The following CEMIP2 variants were observed in gnomAD, a reference collection of about 807,000 sequenced individuals.
CEMIP2 encodes cell surface hyaluronidase CEMIP2.
A neutral mutation model predicts 146.9 loss-of-function variants in CEMIP2; 79 were observed. The observed-to-expected ratio is 0.54, with a 90% CI of 0.45 to 0.65. The LOEUF is 0.65. Among genes scored for constraint, CEMIP2 ranks in the 30% least tolerant of loss-of-function variants. The pLI is 0.00. For synonymous variants in CEMIP2, 601 were observed against 606.3 expected (o/e 0.99, Z 0.13); for missense variants, 1,596 against 1,696.2 (o/e 0.94, Z 1.04).
chr9:71,705,309 A>T (rs1450436683), intron 17 of CEMIP2, among the ~76,000 whole-genome samples: 1 of 152,166 alleles, frequency 6.6e-6, no homozygotes. Context: ...AAAAAAAGTT[A>T]TAAAGTACTG....
chr9:71,740,624 T>C (rs1174368849), intron 4 of CEMIP2, among the ~76,000 whole-genome samples: 2 of 152,196 alleles, frequency 1.3e-5, no homozygotes, highest in South Asian at 2.1e-4. Context: ...AAAAATCTAA[T>C]TGCATAATAG....
At chr9:71,701,317 G>A (rs895956043) in intron 18 of CEMIP2, among the ~76,000 whole-genome samples, 1 of 152,130 alleles carries the variant, frequency 6.6e-6, no homozygotes, top group African/African-American at 2.4e-5. Context: ...TGTTGGCCAG[G>A]CCGGTCTCGA....
At chr9:71,746,158 A>G (rs1824081079) in intron 3 of CEMIP2, 43 bp downstream of exon 3, 1 of 1,592,716 alleles carries the variant, frequency 6.3e-7, no homozygotes, top group Admixed American at 1.8e-5. Context: ...CCCCACATTA[A>G]AGAGCAACCT....
chr9:71,702,510 T>C (rs1202194450), intron 18 of CEMIP2, among the ~76,000 whole-genome samples: 1 of 152,088 alleles, frequency 6.6e-6, no homozygotes, highest in African/African-American at 2.4e-5. Context: ...GAGGGGAATG[T>C]ACTATATATG....
At chr9:71,749,415 A>T (rs1008986041) in intron 2 of CEMIP2, among the ~76,000 whole-genome samples, 2 of 152,076 alleles carry the variant, frequency 1.3e-5, no homozygotes, top group African/African-American at 4.8e-5. Context: ...TAAAAAAAAA[A>T]AAACTTGCGG....
chr9:71,745,438 T>C lies in CEMIP2; in HGVS notation c.614A>G (p.Tyr205Cys), dbSNP rs1176190922. Reference protein sequence around the residue: ...RYKSKATITLYGKSDEGESMP... With the variant: ...RYKSKATITLCGKSDEGESMP... ...ACTTTCACCTTCATCTGACTTGCCA[T>C]ACAAGGTAATTGTCGCTTTGGATTT... The change falls in exon 4 of 24, where the codon TAT (tyrosine) becomes TGT (cysteine). Residue 205 changes from tyrosine to cysteine, a missense_variant. Transcript: ENST00000377044. The C allele has an allele frequency of 6.2e-7, 1 of 1,614,036 alleles. No homozygotes were observed. Among genetic ancestry groups the C allele is most frequent in the Non-Finnish European group, 8.5e-7 (1 of 1,180,028 alleles).
chr9:71,714,934 C>G lies in CEMIP2; in HGVS notation c.2591G>C (p.Arg864Thr), dbSNP rs1484032812. The G allele has an allele frequency of 6.2e-7, 1 of 1,611,968 alleles. No individual in the cohort carries two copies. Among genetic ancestry groups the G allele is most frequent in the Non-Finnish European group, 8.5e-7 (1 of 1,179,318 alleles). The change falls in exon 15 of 24, where the codon AGG becomes ACG. Residue 864 changes from arginine (R) to threonine (T), a missense_variant and splice_region_variant. By Grantham distance (71) the Arg-to-Thr change is moderately conservative. Transcript: ENST00000377044. The stretch of plus-strand genomic sequence containing the variant: ...ACTCCACAGCTAAAGCAATGCTTAC[C>G]TGTTCCTGGGTAATGTTCGAGGCTT... ...DQKPRTLPRNRTFPIRGFQIY... is the reference protein window; with the variant it reads ...DQKPRTLPRNTTFPIRGFQIY...
Position 71,715,059 on chromosome 9 carries a change from G to A in CEMIP2, c.2466C>T (p.Ser822=), listed in dbSNP as rs1397190394. 6.2e-7 allele frequency: 1 copy of A among 1,613,616 alleles called. No individual in the cohort carries two copies. The highest frequency in any genetic ancestry group is 1.3e-5 in the African/African-American group (1 of 74,848). The change falls in exon 15 of 24, where the codon TCC becomes TCT. Residue 822 remains serine (S), a synonymous_variant. Transcript: ENST00000377044. ...SDGSFPSDEG[S]SQEVSESLFV... ...AGAGAGATTCAGATACCTCTTGGCT[G>A]GAACCTTCATCACTTGGGAAGCTTC...
chr9:71,728,229 C>CTA (rs1416528754), intron 10 of CEMIP2, among the ~76,000 whole-genome samples: 250 of 17,146 alleles, frequency 0.015, 4 homozygotes, highest in Middle Eastern at 0.05. Context: ...CTCTCTCTCT[C>CTA]TCTATATATA....
chr9:71,751,026 C>T (rs182459372), intron 1 of CEMIP2, among the ~76,000 whole-genome samples: 129 of 152,262 alleles, frequency 8.5e-4, no homozygotes, highest in African/African-American at 2.9e-3. Flanking sequence ...GGATTACAGG[C>T]GTGAGCCCCA....
chr9:71,688,854 T>G (rs1300026413), intron 22 of CEMIP2, among the ~76,000 whole-genome samples: 3 of 152,170 alleles, frequency 2.0e-5, no homozygotes, highest in Non-Finnish European at 4.4e-5. Flanking sequence ...TCAGTCTCCC[T>G]AGAAGTCACT....
intron 3 of CEMIP2, among the ~76,000 whole-genome samples, chr9:71,745,930 A>G (rs1824073972): frequency 6.6e-6 from 1 of 152,200 alleles, no homozygotes; most frequent in Non-Finnish European, 1.5e-5. Context: ...TAGCTCTGAG[A>G]GATCACCTCT....
Position 71,704,772 on chromosome 9 carries a change from A to C in CEMIP2, c.3017T>G (p.Leu1006Arg), listed in dbSNP as rs753026946. The C allele has an allele frequency of 8.1e-6, 13 of 1,614,214 alleles. No individual in the cohort carries two copies. The highest frequency in any genetic ancestry group is 1.1e-5 in the Non-Finnish European group (13 of 1,180,030). The stretch of plus-strand genomic sequence containing the variant: ...CTCATCTCGTGTAATGGTCATAGAA[A>C]GATTCTGAGTGCTCCATGTCTGTAC... ...VYVQTWSTQN[L>R]SMTITRDEYP... Residue 1006 changes from leucine (L) to arginine (R), a missense_variant, in exon 18 of 24, where the codon CTT (leucine) becomes CGT (arginine). Physicochemically the swap from Leu to Arg is moderately radical, Grantham distance 102 (BLOSUM62 -2). Coordinates refer to ENST00000377044, the MANE Select transcript of CEMIP2 (RefSeq NM_013390.3).
Position 71,722,480 on chromosome 9 carries a change from G to C in CEMIP2, c.2214C>G (p.Thr738=), listed in dbSNP as rs770452206. 5.6e-6 allele frequency: 9 copies of C among 1,613,560 alleles called. No individual in the cohort carries two copies. In the Admixed American group the frequency reaches 6.7e-5, roughly 12 times the overall value. Residue 738 remains threonine, a synonymous_variant, in exon 12 of 24, where the codon ACC becomes ACG. Transcript: ENST00000377044. ...GLFIDKGVKT[T]NSSAADPREY... is the part of the protein sequence containing the mutation. ...CCCTTGGGTCAGCAGCACTAGAGTT[G>C]GTTGTTTTGACACCTTTGTCAATAA...
chr9:71,707,991 C>A (rs181555396), intron 17 of CEMIP2, among the ~76,000 whole-genome samples: 10 of 152,278 alleles, frequency 6.6e-5, no homozygotes, highest in African/African-American at 2.4e-4. Context: ...TCAAGACCAT[C>A]CTGGCTAACA....
intron 5 of CEMIP2, 72 bp downstream of exon 5, chr9:71,739,990 CT>C: frequency 7.1e-7 from 1 of 1,403,048 alleles, no homozygotes; most frequent in Non-Finnish European, 9.7e-7. Context: ...GAACATAATA[CT>C]ATTCTTAGAA....
At chr9:71,703,275 A>T (rs1459927141) in intron 18 of CEMIP2, among the ~76,000 whole-genome samples, 1 of 152,200 alleles carries the variant, frequency 6.6e-6, no homozygotes, top group African/African-American at 2.4e-5. Flanking sequence ...GATGAGGGAA[A>T]AGGAAGAGAC....
intron 15 of CEMIP2, among the ~76,000 whole-genome samples, chr9:71,714,700 A>T (rs990189097): frequency 4.6e-5 from 7 of 152,248 alleles, no homozygotes; most frequent in African/African-American, 1.4e-4. Context: ...TTGATAATTA[A>T]ATCTATGAAA....
chr9:71,694,338 G>A (rs770054619), intron 21 of CEMIP2, among the ~76,000 whole-genome samples, 171 bp downstream of exon 21: 1 of 152,030 alleles, frequency 6.6e-6, no homozygotes, highest in Non-Finnish European at 1.5e-5. Context: ...ATGTTAGCCA[G>A]GATGGTCTCG....
Sources: gnomAD v4.1 joint callset for allele counts (sites outside exome capture counted in the v4.1 genomes callset) on GRCh38, gnomAD v4.1.1 for gene constraint, MANE v1.5 for transcripts, NCBI Gene and HGNC (gene_info 2026-07-23, HGNC 2026-07-21) for gene names.